The following HHLA2 variants were observed in gnomAD, a reference collection of about 807,000 sequenced individuals.
HHLA2 encodes HERV-H LTR-associating protein 2.
Under a neutral mutation model 45.9 loss-of-function variants are expected in HHLA2, and 48 were observed. That is an observed-to-expected ratio of 1.05 (90% CI 0.83 to 1.33). The LOEUF (loss-of-function observed/expected upper bound fraction) is 1.33, where lower values mean the gene tolerates loss of function less well. HHLA2 is among the 40% of genes most tolerant of loss of function. The pLI is 0.00. For missense variants in HHLA2, 462 were observed against 494.3 expected (o/e 0.93, Z 0.62); for synonymous variants, 161 against 173.9 (o/e 0.93, Z 0.59).
intron 7 of HHLA2, 104 bp from the exon 7 acceptor site, chr3:108,362,238 G>C (rs199915052): frequency 2.5e-6 from 2 of 794,194 alleles, no homozygotes; most frequent in Non-Finnish European, 4.0e-6. Context: ...GAAATAACTA[G>C]TTTTTAAAAT....
chr3:108,358,142 C>T, exon 7 of HHLA2: 1 of 1,609,528 alleles, frequency 6.2e-7, no homozygotes, highest in Non-Finnish European at 8.5e-7. Context: ...CTTTACTTAC[C>T]ATCCACACAG....
chr3:108,353,836 G>A (rs1560250898), intron 5 of HHLA2, 56 bp downstream of exon 4: 1 of 1,343,474 alleles, frequency 7.4e-7, no homozygotes, highest in Non-Finnish European at 1.0e-6. Context: ...CATGTTATTA[G>A]TAAGCGTCTT....
At chr3:108,357,814 T>C (rs372853734) in intron 6 of HHLA2, 30 bp from the exon 6 acceptor site, 1 of 1,525,832 alleles carries the variant, frequency 6.6e-7, no homozygotes, top group Non-Finnish European at 8.9e-7. Flanking sequence ...TTTATCTTCA[T>C]TGATGTTTTC....
intron 4 of HHLA2, 144 bp downstream of exon 3, chr3:108,352,021 C>G (rs149868254): frequency 7.0e-6 from 4 of 568,246 alleles, no homozygotes; most frequent in Non-Finnish European, 1.2e-5. Flanking sequence ...AAGGAACAGG[C>G]TGGAAGTCTG....
intron 2 of HHLA2, among the ~76,000 whole-genome samples, chr3:108,311,629 G>A (rs1449087647): frequency 6.6e-6 from 1 of 152,162 alleles, no homozygotes; most frequent in African/African-American, 2.4e-5. Context: ...AGAAAGGAGT[G>A]TAGCTTTCAA....
intron 3 of HHLA2, among the ~76,000 whole-genome samples, chr3:108,345,147 C>T (rs549310731): frequency 6.6e-6 from 1 of 152,166 alleles, no homozygotes; most frequent in Non-Finnish European, 1.5e-5. Context: ...GAGGATGACA[C>T]AGAGAAAGAT....
intron 3 of HHLA2, among the ~76,000 whole-genome samples, chr3:108,341,738 A>T (rs1283047004): frequency 6.6e-6 from 1 of 152,206 alleles, no homozygotes; most frequent in Non-Finnish European, 1.5e-5. Context: ...AGTAGTTTAA[A>T]TGTATTACTT....
intron 8 of HHLA2, among the ~76,000 whole-genome samples, chr3:108,369,483 T>C (rs893965505): frequency 6.6e-6 from 1 of 152,132 alleles, no homozygotes; most frequent in Non-Finnish European, 1.5e-5. Flanking sequence ...GTGGGTGCAG[T>C]GCACCATGTG....
At chr3:108,362,467 CTGCCCCACG>C in intron 8 of HHLA2, 21 bp downstream of exon 7, 1 of 1,487,664 alleles carries the variant, frequency 6.7e-7, no homozygotes, top group Non-Finnish European at 9.3e-7. Context: ...AATTTGGGCT[CTGCCCCACG>C]TGTTCCACAT....
At chr3:108,353,117 G>A (rs1157796264) in intron 4 of HHLA2, among the ~76,000 whole-genome samples, 2 of 152,190 alleles carry the variant, frequency 1.3e-5, no homozygotes, top group African/African-American at 2.4e-5. Flanking sequence ...TAACATACAT[G>A]ATTTCCAGGC....
chr3:108,373,775 T>C (rs1189315438), intron 8 of HHLA2, among the ~76,000 whole-genome samples: 22 of 149,286 alleles, frequency 1.5e-4, no homozygotes, highest in African/African-American at 3.0e-4. Context: ...TTACAAGGGA[T>C]GTGAAGGACC....
chr3:108,345,562 C>G lies in HHLA2; in HGVS notation c.-26-6226C>G, dbSNP rs188614214. On this transcript the variant is annotated intron_variant, in intron 3 of 10. Coordinates refer to ENST00000619531, the Ensembl canonical transcript of HHLA2. Reference sequence around the variant, plus strand: ...CTCAACTGGTTAGACAAAAAGAGACCAGCCCCAATTTCCAAATGTCACCAG... The same window carrying G: ...CTCAACTGGTTAGACAAAAAGAGACGAGCCCCAATTTCCAAATGTCACCAG... Among the ~76,000 whole-genome samples the G allele has an allele frequency of 7.2e-3, 1,100 of 152,236 alleles. 10 individuals carry two copies. The highest frequency in any genetic ancestry group is 0.011 in the South Asian group (51 of 4,824).
chr3:108,339,792 A>G (rs996693403), intron 3 of HHLA2, among the ~76,000 whole-genome samples: 4 of 152,166 alleles, frequency 2.6e-5, no homozygotes, highest in African/African-American at 9.7e-5. Context: ...CAAACTTACC[A>G]CAAGTACAAA....
chr3:108,312,074 T>C (rs548826463), intron 2 of HHLA2, among the ~76,000 whole-genome samples: 1 of 152,312 alleles, frequency 6.6e-6, no homozygotes, highest in African/African-American at 2.4e-5. Flanking sequence ...AGAAGCCACG[T>C]TCCCCCCATT....
chr3:108,344,749 T>C (rs1394859522), intron 3 of HHLA2, among the ~76,000 whole-genome samples: 1 of 152,216 alleles, frequency 6.6e-6, no homozygotes, highest in African/African-American at 2.4e-5. Context: ...AAATGCCTGC[T>C]GTCTGCCGTG....
At chr3:108,297,882 G>A (rs969216670) in intron 1 of HHLA2, among the ~76,000 whole-genome samples, 5 of 152,134 alleles carry the variant, frequency 3.3e-5, no homozygotes, top group East Asian at 3.9e-4. Flanking sequence ...GTCAGTGACC[G>A]GTGTAGGTCA....
chr3:108,368,754 G>C (rs920374654), intron 8 of HHLA2, among the ~76,000 whole-genome samples: 6 of 152,004 alleles, frequency 3.9e-5, no homozygotes, highest in Admixed American at 3.3e-4. Flanking sequence ...GATCTACAAA[G>C]AGACTTAGAC....
chr3:108,367,117 G>T (rs2082078055), intron 8 of HHLA2, among the ~76,000 whole-genome samples: 1 of 152,130 alleles, frequency 6.6e-6, no homozygotes, highest in African/African-American at 2.4e-5. Context: ...AGAGGGTCCT[G>T]ACTGTTAGAA....
chr3:108,360,127 C>G (rs2081962790), intron 7 of HHLA2, among the ~76,000 whole-genome samples: 1 of 151,726 alleles, frequency 6.6e-6, no homozygotes. Flanking sequence ...CCTCTACTTG[C>G]AATAAATGGC....
Sources: allele counts gnomAD v4.1 joint callset (sites outside exome capture counted in the v4.1 genomes callset), GRCh38; gene constraint gnomAD v4.1.1; transcripts MANE v1.5; gene names NCBI Gene and HGNC (gene_info 2026-07-23, HGNC 2026-07-21).